The following KSR1 variants were observed in gnomAD, a reference collection of about 807,000 sequenced individuals.
KSR1 encodes the protein kinase suppressor of ras.
Under a neutral mutation model 92.9 loss-of-function variants are expected in KSR1, and 35 were observed. The ratio of observed to expected loss-of-function variants is 0.38; its 90% CI spans 0.29 to 0.50. The LOEUF is 0.50. KSR1 is among the 20% of genes least tolerant of loss of function. The pLI, the probability that KSR1 is intolerant of heterozygous loss-of-function variation, is 0.94. For missense variants in KSR1, 972 were observed against 1,158.5 expected, an observed-to-expected ratio of 0.84 and a Z score of 2.34; for synonymous variants, 467 against 472.6, an observed-to-expected ratio of 0.99 and a Z score of 0.15.
intron 18 of KSR1, 145 bp downstream of exon 18, chr17:27,611,774 A>T (rs938614190): frequency 1.1e-6 from 1 of 932,492 alleles, no homozygotes; most frequent in Non-Finnish European, 1.6e-6. Context: ...GATGAAAATG[A>T]TATGCATTGC....
chr17:27,605,095 T>A (rs1215826676), intron 13 of KSR1, among the ~76,000 whole-genome samples: 2 of 152,178 alleles, frequency 1.3e-5, no homozygotes, highest in Admixed American at 6.5e-5. Context: ...TAAACAAGAG[T>A]TCCAGAAGGA....
intron 1 of KSR1, among the ~76,000 whole-genome samples, chr17:27,513,495 A>C (rs2069677229): frequency 6.6e-6 from 1 of 152,106 alleles, no homozygotes. Flanking sequence ...GTGTATGTGC[A>C]TGCACACACT....
intron 1 of KSR1, among the ~76,000 whole-genome samples, chr17:27,507,624 T>C (rs2069442373): frequency 8.5e-6 from 1 of 118,156 alleles, no homozygotes; most frequent in Non-Finnish European, 1.6e-5. Flanking sequence ...TTGCCCAGGC[T>C]AGAGTGCAAT....
Position 27,601,383 on chromosome 17 carries a change from C to G in KSR1, c.1492C>G (p.Gln498Glu), listed in dbSNP as rs756683817. 5 of 1,613,720 alleles carry G rather than the reference C, an allele frequency of 3.1e-6. No individual in the cohort carries two copies. The highest frequency in any genetic ancestry group is 8.5e-7 in the Non-Finnish European group (1 of 1,179,642). The change falls in exon 11 of 21, where the codon CAG becomes GAG. Residue 498 changes from glutamine (Q) to glutamate (E), a missense_variant. Around this residue, in one of 5 missense-constraint regions of KSR1, gnomAD observed 611 missense variants for 668.0 expected, o/e 0.91. Coordinates refer to ENST00000644974, the MANE Select transcript of KSR1 (RefSeq NM_001394583.1). The stretch of plus-strand genomic sequence containing the variant: ...AGCTGCCTACTTCATTCATCATAGA[C>G]AGCAGTTTATCTTTCCAGGTGAGTC... ...FPAAYFIHHR[Q>E]QFIFPDISAF...
chr17:27,592,592 A>C lies in KSR1; in HGVS notation c.1265A>C (p.His422Pro). ...NNPVDRAAEP[H>P]FGTLPKALTK... is the part of the protein sequence containing the mutation. ...CCGGTGGACAGAGCAGCCGAACCCC[A>C]TTTTGGAACCCTCCCCAAAGCACTG... is the stretch of plus-strand genomic sequence containing the variant. The change falls in exon 9 of 21, where the codon CAT becomes CCT. Residue 422 changes from histidine to proline, a missense_variant. Physicochemically the swap from His to Pro is moderately conservative, Grantham distance 77 (BLOSUM62 -2). Coordinates refer to ENST00000644974, the MANE Select transcript of KSR1 (RefSeq NM_001394583.1). 1 of 1,613,900 alleles carries C rather than the reference A, an allele frequency of 6.2e-7. No individual in the cohort carries two copies. Among genetic ancestry groups the C allele is most frequent in the East Asian group, 2.2e-5 (1 of 44,882 alleles).
At chr17:27,473,448 C>T (rs1404488444) in intron 1 of KSR1, among the ~76,000 whole-genome samples, 1 of 152,114 alleles carries the variant, frequency 6.6e-6, no homozygotes, top group African/African-American at 2.4e-5. Flanking sequence ...TGGCCATTCG[C>T]AGAAAGGAGG....
At chr17:27,604,228 G>A (rs754193421) in intron 12 of KSR1, among the ~76,000 whole-genome samples, 22 of 152,128 alleles carry the variant, frequency 1.4e-4, no homozygotes, top group Non-Finnish European at 2.5e-4. Flanking sequence ...TCACATTCCC[G>A]CATCTCACCC....
chr17:27,515,564 A>G (rs2069756727), intron 1 of KSR1, among the ~76,000 whole-genome samples: 1 of 150,646 alleles, frequency 6.6e-6, no homozygotes, highest in African/African-American at 2.4e-5. Flanking sequence ...CCTCTCATAT[A>G]ATGGTCCCAG....
Position 27,617,415 on chromosome 17 carries a change from T to C in KSR1, c.2614T>C (p.Trp872Arg). The change falls in exon 19 of 21, where the codon TGG becomes CGG. Residue 872 changes from tryptophan to arginine, a missense_variant. Coordinates refer to ENST00000644974, the MANE Select transcript of KSR1 (RefSeq NM_001394583.1). ...GCGGCTCTCCCACCCTGGACACTTC[T>C]GGAAGTCAGCTGAGTAAGTGCCTCT... ...NRRLSHPGHF[W>R]KSADRWRSRY... 6.2e-7 allele frequency: 1 copy of C among 1,609,402 alleles called. No homozygotes were observed. The highest frequency in any genetic ancestry group is 8.5e-7 in the Non-Finnish European group (1 of 1,176,464).
chr17:27,458,521 T>C (rs1474253175), intron 1 of KSR1, among the ~76,000 whole-genome samples: 1 of 152,212 alleles, frequency 6.6e-6, no homozygotes, highest in African/African-American at 2.4e-5. Context: ...CCTTTTGTCC[T>C]ACCCTAACTT....
intron 19 of KSR1, chr17:27,617,679 C>CA: frequency 2.2e-6 from 1 of 450,758 alleles, no homozygotes; most frequent in South Asian, 2.3e-5. Flanking sequence ...AGGCACCTGC[C>CA]ACCACACTTG....
At chr17:27,477,827 C>T (rs2068391592) in intron 1 of KSR1, among the ~76,000 whole-genome samples, 1 of 152,110 alleles carries the variant, frequency 6.6e-6, no homozygotes, top group African/African-American at 2.4e-5. Context: ...ATCCTCCTGC[C>T]TCAGCCTTTT....
intron 1 of KSR1, among the ~76,000 whole-genome samples, chr17:27,534,796 CCTT>C (rs1368219927): frequency 6.6e-6 from 1 of 152,172 alleles, no homozygotes; most frequent in African/African-American, 2.4e-5. Context: ...GGTGGTCTTG[CCTT>C]CTTTCTCCCT....
At chr17:27,476,834 T>A (rs1456987461) in intron 1 of KSR1, among the ~76,000 whole-genome samples, 1 of 152,084 alleles carries the variant, frequency 6.6e-6, no homozygotes, top group Non-Finnish European at 1.5e-5. Flanking sequence ...AGGAAAGGGG[T>A]CCCGATCCAG....
intron 1 of KSR1, chr17:27,526,680 C>T: frequency 6.5e-7 from 1 of 1,536,608 alleles, no homozygotes; most frequent in Non-Finnish European, 9.0e-7. Flanking sequence ...TTTTTATTGG[C>T]TGTTATTCTG....
intron 1 of KSR1, among the ~76,000 whole-genome samples, chr17:27,518,473 T>C (rs144629294): frequency 1.0e-3 from 154 of 152,330 alleles, no homozygotes; most frequent in African/African-American, 3.5e-3. Flanking sequence ...CTGAAAAGCA[T>C]AGAATTGGTT....
intron 2 of KSR1, among the ~76,000 whole-genome samples, chr17:27,554,498 C>G (rs1027650050): frequency 6.6e-6 from 1 of 152,208 alleles, no homozygotes; most frequent in Non-Finnish European, 1.5e-5. Context: ...CACAGGAGCA[C>G]AAACCCTGTT....
intron 1 of KSR1, among the ~76,000 whole-genome samples, chr17:27,494,168 A>G (rs767941025): frequency 6.6e-6 from 1 of 152,168 alleles, no homozygotes; most frequent in African/African-American, 2.4e-5. Flanking sequence ...AAAAATTACA[A>G]AGAGCTTCCA....
intron 1 of KSR1, among the ~76,000 whole-genome samples, chr17:27,468,565 C>T (rs866552754): frequency 1.3e-5 from 2 of 152,186 alleles, no homozygotes; most frequent in Non-Finnish European, 2.9e-5. Context: ...TATTTATGCT[C>T]TGTTTTGGCG....
Sources: gnomAD v4.1 joint callset for allele counts (sites outside exome capture counted in the v4.1 genomes callset) on GRCh38, gnomAD v4.1.1 for gene constraint, gnomAD v4.1.1 regional missense constraint, MANE v1.5 for transcripts, NCBI Gene and HGNC (gene_info 2026-07-23, HGNC 2026-07-21) for gene names.